HRH1: variants seen among roughly 807,000 people sequenced by gnomAD.
HRH1 encodes the protein histamine H1 receptor.
HRH1 carries 6 observed loss-of-function variants against 10.3 expected under a neutral mutation model. That is an observed-to-expected ratio of 0.58 (90% CI 0.32 to 1.15). The LOEUF (loss-of-function observed/expected upper bound fraction) is 1.15, where lower values mean the gene tolerates loss of function less well. Among genes scored for constraint, HRH1 ranks in the 50% most tolerant of loss-of-function variants. HRH1 has a pLI of 0.05. For synonymous variants in HRH1, 242 were observed against 236.7 expected, an observed-to-expected ratio of 1.02 and a Z score of -0.21; for missense variants, 514 against 615.3, an observed-to-expected ratio of 0.84 and a Z score of 1.74.
intron 1 of HRH1, among the ~76,000 whole-genome samples, chr3:11,237,737 G>A (rs1255929443): frequency 7.5e-6 from 1 of 133,038 alleles, no homozygotes; most frequent in South Asian, 2.4e-4. Context: ...GTGCAGTGGC[G>A]TGATCTCAGC....
At chr3:11,258,677 C>T (rs552959562) in intron 1 of HRH1, among the ~76,000 whole-genome samples, 60 of 152,170 alleles carry the variant, frequency 3.9e-4, no homozygotes, top group East Asian at 1.2e-3. Context: ...AGAACATGTG[C>T]GGAATTAGAT....
rs138044592 is a variant in HRH1 at position 11,170,969 on chromosome 3, T to C, written c.-36+16415T>C. Among the ~76,000 whole-genome samples the C allele has an allele frequency of 3.7e-3, 568 of 152,186 alleles. 5 individuals are homozygous for C. The highest frequency in any genetic ancestry group is 0.013 in the African/African-American group (536 of 41,520). ...ACGAACAAACTAGAGAGATAAGCAGTGTCATATTGTTGGGAGACCTTTCAT... is the reference window on the plus strand; with the variant it reads ...ACGAACAAACTAGAGAGATAAGCAGCGTCATATTGTTGGGAGACCTTTCAT... On this transcript the variant is annotated intron_variant, in intron 1 of 1. Coordinates refer to ENST00000431010, the MANE Select transcript of HRH1 (RefSeq NM_001098212.2).
At chr3:11,221,910 A>G (rs1938723158) in intron 1 of HRH1, among the ~76,000 whole-genome samples, 1 of 152,210 alleles carries the variant, frequency 6.6e-6, no homozygotes, top group Non-Finnish European at 1.5e-5. Flanking sequence ...TCCAGGTGAT[A>G]CCACGTGCCA....
chr3:11,159,038 G>A (rs1282484795), intron 1 of HRH1, among the ~76,000 whole-genome samples: 5 of 152,116 alleles, frequency 3.3e-5, no homozygotes, highest in Non-Finnish European at 2.9e-5. Flanking sequence ...ACCTGAGGTC[G>A]GGAGTTTGAG....
chr3:11,229,139 C>G (rs927838164), intron 1 of HRH1, among the ~76,000 whole-genome samples: 1 of 152,188 alleles, frequency 6.6e-6, no homozygotes, highest in African/African-American at 2.4e-5. Flanking sequence ...TCTTTATCAA[C>G]CTTTCCACCT....
chr3:11,199,771 G>A (rs1180279391), intron 1 of HRH1, among the ~76,000 whole-genome samples: 1 of 152,178 alleles, frequency 6.6e-6, no homozygotes, highest in African/African-American at 2.4e-5. Flanking sequence ...AGTTGACCAC[G>A]TTGCTGGCTC....
chr3:11,149,213 A>G (rs1167802389), intron 1 of HRH1, among the ~76,000 whole-genome samples: 1 of 152,220 alleles, frequency 6.6e-6, no homozygotes, highest in Non-Finnish European at 1.5e-5. Context: ...TATTATATAA[A>G]AGGTGCAATC....
At position 11,168,893 on chromosome 3, in the gene HRH1, C is replaced by G. The variant is rs56390425; in HGVS notation, c.-36+14339C>G. 5.8e-3 allele frequency among the ~76,000 whole-genome samples: 877 copies of G among 152,338 alleles called. 6 individuals carry two copies. Among genetic ancestry groups the G allele is most frequent in the African/African-American group, 0.02 (826 of 41,584 alleles). ...AAAGACCCCTTTGCTGAGCTCCAAC[C>G]AGGAGCCTGGGGTTTTCTCCAACTT... On this transcript the variant is annotated intron_variant, in intron 1 of 1. Transcript: ENST00000431010.
chr3:11,230,467 A>G (rs1939010086), intron 1 of HRH1, among the ~76,000 whole-genome samples: 1 of 152,180 alleles, frequency 6.6e-6, no homozygotes, highest in Non-Finnish European at 1.5e-5. Flanking sequence ...CCAGTGTACG[A>G]TATATTTCAC....
At position 11,145,260 on chromosome 3, in the gene HRH1, C is replaced by T. The variant is rs183911662; in HGVS notation, c.-36+7861C>T. ...CTCCCATTGACATCTGTGGCTTCGT[C>T]GTTTTGTCCCTTCCCCACACCCTCC... On this transcript the variant is annotated intron_variant, in intron 1 of 1. Transcript: ENST00000438284. Among the ~76,000 whole-genome samples the T allele has an allele frequency of 2.2e-4, 33 of 152,294 alleles. 1 individual carries two copies. The South Asian group carries it at 2.5e-3, about 11-fold the overall frequency.
At chr3:11,164,236 G>A (rs1460183038) in intron 1 of HRH1, among the ~76,000 whole-genome samples, 8 of 152,216 alleles carry the variant, frequency 5.3e-5, no homozygotes, top group African/African-American at 7.2e-5. Context: ...CTTAGAGAGC[G>A]ACAGGGAGGT....
upstream of HRH1, among the ~76,000 whole-genome samples, chr3:11,149,997 T>C (rs1280682335): frequency 2.6e-5 from 4 of 152,210 alleles, no homozygotes; most frequent in East Asian, 1.9e-4. Flanking sequence ...CTCCCAGCAT[T>C]CACCTCCCCA....
intron 1 of HRH1, among the ~76,000 whole-genome samples, chr3:11,156,239 A>G (rs1482437165): frequency 1.3e-5 from 2 of 152,150 alleles, no homozygotes; most frequent in Non-Finnish European, 2.9e-5. Flanking sequence ...TTCATTTTCA[A>G]ATGTGACAGA....
chr3:11,187,430 A>G (rs987670512), intron 1 of HRH1, among the ~76,000 whole-genome samples: 1 of 151,850 alleles, frequency 6.6e-6, no homozygotes, highest in Non-Finnish European at 1.5e-5. Flanking sequence ...ATCTAAAAAT[A>G]TAATAATATA....
intron 1 of HRH1, among the ~76,000 whole-genome samples, chr3:11,169,408 G>A (rs1937110945): frequency 6.6e-6 from 1 of 152,174 alleles, no homozygotes; most frequent in Non-Finnish European, 1.5e-5. Context: ...AGAGATGGGG[G>A]AAGTAGGAGA....
At chr3:11,159,098 A>C (rs1936875776) in intron 1 of HRH1, among the ~76,000 whole-genome samples, 2 of 152,320 alleles carry the variant, frequency 1.3e-5, no homozygotes, top group South Asian at 4.1e-4. Flanking sequence ...AACTACAAAA[A>C]TTAGCCAGGC....
At chr3:11,239,892 A>G (rs1240745617) in intron 1 of HRH1, among the ~76,000 whole-genome samples, 3 of 152,044 alleles carry the variant, frequency 2.0e-5, no homozygotes, top group Non-Finnish European at 4.4e-5. Context: ...AATGATGTCA[A>G]TTATTCAATT....
At chr3:11,172,182 AG>A (rs1415618386) in intron 1 of HRH1, among the ~76,000 whole-genome samples, 8 of 152,218 alleles carry the variant, frequency 5.3e-5, no homozygotes, top group African/African-American at 1.9e-4. Flanking sequence ...AAGAATTCTG[AG>A]GAAGGGAGTG....
At chr3:11,143,885 T>C (rs954400046) in intron 1 of HRH1, among the ~76,000 whole-genome samples, 1 of 152,138 alleles carries the variant, frequency 6.6e-6, no homozygotes, top group Non-Finnish European at 1.5e-5. Context: ...CATCCCAAAA[T>C]GCATGTCCTC....
Sources: allele counts gnomAD v4.1 joint callset (sites outside exome capture counted in the v4.1 genomes callset), GRCh38; gene constraint gnomAD v4.1.1; transcripts MANE v1.5; gene names NCBI Gene and HGNC (gene_info 2026-07-23, HGNC 2026-07-21).